TSC1: variants seen among roughly 807,000 people sequenced by gnomAD.
TSC1 encodes the protein hamartin.
TSC1 carries 20 observed loss-of-function variants against 124.3 expected under a neutral mutation model. The ratio of observed to expected loss-of-function variants is 0.16; its 90% CI spans 0.11 to 0.23. TSC1 has a LOEUF of 0.23. Ranked by LOEUF, TSC1 falls within the 10% of genes least tolerant of loss-of-function variation. TSC1 has a pLI of 1.00. For missense variants in TSC1, 1,124 were observed against 1,448.5 expected, an observed-to-expected ratio of 0.78 and a Z score of 3.64; for synonymous variants, 493 against 539.1, an observed-to-expected ratio of 0.91 and a Z score of 1.19.
chr9:132,943,313 C>T (rs1460344494), intron 1 of TSC1, among the ~76,000 whole-genome samples: 7 of 149,070 alleles, frequency 4.7e-5, no homozygotes, highest in Non-Finnish European at 9.0e-5. Flanking sequence ...CTATCAAATA[C>T]TTTTTAGCCT....
Position 132,905,778 on chromosome 9 carries a change from C to T in TSC1, c.1800G>A (p.Gln600=), listed in dbSNP as rs1254353359. The change falls in exon 15 of 23, where the codon CAG becomes CAA. Residue 600 remains glutamine (Q), a synonymous_variant. Transcript: ENST00000298552. Reference sequence around the variant, plus strand: ...CAAAAAGATGATCATACGGGGGAGGCTGCCCGCTTCCAAAGCCCACTCTCG... The same window carrying T: ...CAAAAAGATGATCATACGGGGGAGGTTGCCCGCTTCCAAAGCCCACTCTCG... ...PPTRVGFGSG[Q]PPPYDHLFEV... is the part of the protein sequence containing the mutation. 6.2e-7 allele frequency: 1 copy of T among 1,614,228 alleles called. No homozygotes were observed. The highest frequency in any genetic ancestry group is 8.5e-7 in the Non-Finnish European group (1 of 1,180,042).
Position 132,897,227 on chromosome 9 carries a change from G to T in TSC1, c.2932C>A (p.Leu978Ile), listed in dbSNP as rs397514859. 6.2e-7 allele frequency: 1 copy of T among 1,614,076 alleles called. No homozygotes were observed. Among genetic ancestry groups the T allele is most frequent in the Non-Finnish European group, 8.5e-7 (1 of 1,180,016 alleles). Reference protein sequence around the residue: ...RLEKDGLLKKLEEEKAEAAEA... With the variant: ...RLEKDGLLKKIEEEKAEAAEA... Reference sequence around the variant, plus strand: ...GCTGCTTCTGCTTTTTCTTCTTCAAGTTTTTTCAGGAGGCCATCTTTCTCC... The same window carrying T: ...GCTGCTTCTGCTTTTTCTTCTTCAATTTTTTTCAGGAGGCCATCTTTCTCC... The change falls in exon 22 of 23, where the codon CTT becomes ATT. Residue 978 changes from leucine to isoleucine, a missense_variant. Around this residue, in one of 5 missense-constraint regions of TSC1, gnomAD observed 325 missense variants for 383.4 expected, o/e 0.85. Coordinates refer to ENST00000298552, the MANE Select transcript of TSC1 (RefSeq NM_000368.5).
rs1251871091 is a variant in TSC1, at chr9:132,905,844, G to A, written c.1734C>T (p.Thr578=). 5.0e-6 allele frequency: 8 copies of A among 1,613,766 alleles called. No individual in the cohort carries two copies. Among genetic ancestry groups the A allele is most frequent in the Non-Finnish European group, 5.9e-6 (7 of 1,179,690 alleles). ...TACAAGGACTGGGAGTGAAGATACT[G>A]GTCTCCAAAGAAGTCTGGCATTCCC... The part of the protein sequence containing the change: ...GDRECQTSLE[T]SIFTPSPCKI... The change falls in exon 15 of 23, where the codon ACC becomes ACT. Residue 578 remains threonine, a synonymous_variant. Transcript: ENST00000298552.
intron 8 of TSC1, among the ~76,000 whole-genome samples, chr9:132,918,165 C>A (rs1462279849): frequency 6.6e-6 from 1 of 152,070 alleles, no homozygotes; most frequent in Non-Finnish European, 1.5e-5. Context: ...TATAAACCCA[C>A]AAGGAGGAGA....
chr9:132,901,225 G>A lies in TSC1; in HGVS notation c.2502+364C>T, dbSNP rs77262230. Among the ~76,000 whole-genome samples, 57 of 152,312 alleles carry A rather than the reference G, an allele frequency of 3.7e-4. No homozygotes were observed. In the East Asian group the frequency reaches 0.01, roughly 28 times the overall value. On this transcript the variant is annotated intron_variant, in intron 19 of 22. Coordinates refer to ENST00000298552, the MANE Select transcript of TSC1 (RefSeq NM_000368.5). The stretch of plus-strand genomic sequence containing the variant: ...TGATTCCCAAAGAAGGAGGAATCAC[G>A]CTCAAAAACCTGAACAAACTTTTGA...
At chr9:132,931,652 T>C (rs1448324195) in intron 2 of TSC1, among the ~76,000 whole-genome samples, 1 of 152,180 alleles carries the variant, frequency 6.6e-6, no homozygotes. Context: ...TAAAAAGCCC[T>C]CCTAAGAGTT....
At chr9:132,916,139 C>G (rs890059900) in intron 8 of TSC1, among the ~76,000 whole-genome samples, 1 of 152,168 alleles carries the variant, frequency 6.6e-6, no homozygotes, top group African/African-American at 2.4e-5. Flanking sequence ...AAACTGGGAA[C>G]CATCGTCTAA....
In TSC1 at chr9:132,896,128, A is replaced by G. The variant is rs116917669; in HGVS notation, c.*107T>C. 47,835 of 1,538,092 alleles carry G rather than the reference A, an allele frequency of 0.031. 864 individuals carry two copies. Among genetic ancestry groups the G allele is most frequent in the Non-Finnish European group, 0.036 (40,439 of 1,119,338 alleles). Reference sequence around the variant, plus strand: ...AAGGACCTCCGTCCCATTTCCACACATGAACTTGCACTCAGACCCTGGAAA... The same window carrying G: ...AAGGACCTCCGTCCCATTTCCACACGTGAACTTGCACTCAGACCCTGGAAA... On this transcript the variant is annotated 3_prime_UTR_variant, in exon 23 of 23. Coordinates refer to ENST00000298552, the MANE Select transcript of TSC1 (RefSeq NM_000368.5). The surrounding 1 kb of genome is among the most constrained non-coding windows in gnomAD (Gnocchi z 4.5).
chr9:132,907,489 TTTC>T (rs1351112401), intron 12 of TSC1, 119 bp from the exon 13 acceptor site: 3 of 834,144 alleles, frequency 3.6e-6, no homozygotes, highest in Non-Finnish European at 5.9e-6. Context: ...GTTGGGATGT[TTTC>T]TTTTCTTTTT....
chr9:132,934,184 G>C (rs960495548), intron 2 of TSC1, among the ~76,000 whole-genome samples: 1 of 152,042 alleles, frequency 6.6e-6, no homozygotes, highest in South Asian at 2.1e-4. Context: ...CATGTACAAA[G>C]ACAGCAGACC....
intron 8 of TSC1, among the ~76,000 whole-genome samples, chr9:132,917,983 C>T (rs1385032632): frequency 6.6e-6 from 1 of 152,166 alleles, no homozygotes; most frequent in African/African-American, 2.4e-5. Flanking sequence ...TCTGTCTTTA[C>T]TGTTAAAACC....
intron 8 of TSC1, among the ~76,000 whole-genome samples, chr9:132,913,539 A>G (rs896121859): frequency 2.0e-5 from 3 of 152,042 alleles, no homozygotes; most frequent in African/African-American, 7.2e-5. Context: ...ACACTGTTGT[A>G]TGTCTTGACG....
Position 132,892,151 on chromosome 9 carries a change from C to T in TSC1, c.*4084G>A, listed in dbSNP as rs907357659. On this transcript the variant is annotated 3_prime_UTR_variant, in exon 23 of 23. Coordinates refer to ENST00000298552, the MANE Select transcript of TSC1 (RefSeq NM_000368.5). ...GGACGGCATGGAAGAGACAGGAACA[C>T]GCTCCCCTGGGCACATCGAAGAGTC... The T allele has an allele frequency of 6.4e-5, 15 of 233,214 alleles. No homozygotes were observed. The highest frequency in any genetic ancestry group is 2.0e-4 in the African/African-American group (9 of 45,436). 14.4% of individuals were successfully genotyped at this position (233,214 alleles called of 1,614,324 possible).
At chr9:132,900,961 A>G in intron 19 of TSC1, 124 bp from the exon 20 acceptor site, 1 of 1,383,694 alleles carries the variant, frequency 7.2e-7, no homozygotes. Context: ...AACCAGTCCC[A>G]TGGGTTCACA....
chr9:132,902,572 G>A lies in TSC1; in HGVS notation c.2391+33C>T, dbSNP rs373301436. The stretch of plus-strand genomic sequence containing the variant: ...CTCCCCACTGCTCTCCGGCATTCTC[G>A]CAGTTGGCTTTGCCTGGTGCTGCAG... On this transcript the variant is annotated intron_variant, in intron 18 of 22. Coordinates refer to ENST00000298552, the MANE Select transcript of TSC1 (RefSeq NM_000368.5). The surrounding 1 kb of genome is among the most constrained non-coding windows in gnomAD (Gnocchi z 5.2). 40 of 1,612,692 alleles carry A rather than the reference G, an allele frequency of 2.5e-5. No individual in the cohort carries two copies. The highest frequency in any genetic ancestry group is 1.9e-4 in the Middle Eastern group (1 of 5,298).
chr9:132,912,045 A>G (rs1845993105), intron 9 of TSC1, among the ~76,000 whole-genome samples: 1 of 152,198 alleles, frequency 6.6e-6, no homozygotes, highest in Non-Finnish European at 1.5e-5. Flanking sequence ...TAAGTGTTGG[A>G]GACACGTCAC....
chr9:132,932,406 T>A (rs750199452), intron 2 of TSC1, among the ~76,000 whole-genome samples: 1 of 152,152 alleles, frequency 6.6e-6, no homozygotes, highest in Non-Finnish European at 1.5e-5. Context: ...GCCCGCATCA[T>A]CTCTCAGAGA....
Position 132,911,189 on chromosome 9 carries a change from T to C in TSC1, c.1030-76A>G, listed in dbSNP as rs1845937658. The C allele has an allele frequency of 2.5e-6, 3 of 1,219,854 alleles. No homozygotes were observed. The South Asian group carries it at 3.6e-5, about 15-fold the overall frequency. The allele number at this position is 1,219,854 out of a possible 1,614,324, so 75.6% of individuals were successfully genotyped here. ...CCACGAGGTTTATATCCATGGCCAG[T>C]GTTCAGCTTAAATTTAGCTTTTTCA... On this transcript the variant is annotated intron_variant, in intron 10 of 22. Coordinates refer to ENST00000298552, the MANE Select transcript of TSC1 (RefSeq NM_000368.5).
At chr9:132,912,952 T>C (rs1185622683) in intron 8 of TSC1, 1 of 170,452 alleles carries the variant, frequency 5.9e-6, no homozygotes, top group Non-Finnish European at 1.3e-5. Flanking sequence ...TTTTTTTTTT[T>C]TTCTTGAGAT....
Sources: gnomAD v4.1 joint callset for allele counts (sites outside exome capture counted in the v4.1 genomes callset) on GRCh38, gnomAD v4.1.1 for gene constraint, gnomAD v4.1.1 regional missense constraint, Gnocchi (gnomAD v3.1) non-coding constraint, MANE v1.5 for transcripts, NCBI Gene and HGNC (gene_info 2026-07-23, HGNC 2026-07-21) for gene names.